PTPRM: variants seen among roughly 807,000 people sequenced by gnomAD.
The protein encoded by PTPRM is protein tyrosine phosphatase receptor type M, also known as receptor-type tyrosine-protein phosphatase mu.
Under a neutral mutation model 186.7 loss-of-function variants are expected in PTPRM, and 47 were observed. That is an observed-to-expected ratio of 0.25 (90% CI 0.20 to 0.32). PTPRM has a LOEUF of 0.32. Ranked by LOEUF, PTPRM falls within the 10% of genes least tolerant of loss-of-function variation. The probability of loss-of-function intolerance (pLI) is 1.00; values close to 1 mark genes in which losing one functional copy is unlikely to be tolerated. For missense variants in PTPRM, 1,494 were observed against 1,865.0 expected (o/e 0.80, Z 3.66); for synonymous variants, 668 against 674.9 (o/e 0.99, Z 0.16).
chr18:7,655,367 A>C (rs760067493), intron 1 of PTPRM, among the ~76,000 whole-genome samples: 2 of 152,116 alleles, frequency 1.3e-5, no homozygotes, highest in Non-Finnish European at 2.9e-5. Context: ...ACCTACACAC[A>C]TGTTAGAATG....
chr18:7,771,204 T>A (rs531903957), intron 1 of PTPRM, among the ~76,000 whole-genome samples: 24 of 152,210 alleles, frequency 1.6e-4, no homozygotes, highest in Admixed American at 5.2e-4. Flanking sequence ...TATTTCTCAC[T>A]GTTTTAAGAT....
chr18:8,313,953 C>T (rs1269971187), intron 20 of PTPRM, among the ~76,000 whole-genome samples: 4 of 151,928 alleles, frequency 2.6e-5, no homozygotes, highest in Non-Finnish European at 4.4e-5. Context: ...GAATTTGAAA[C>T]CAGCGTGGGC....
intron 1 of PTPRM, among the ~76,000 whole-genome samples, chr18:7,574,331 TTTG>T (rs1323924553): frequency 6.6e-6 from 1 of 152,154 alleles, no homozygotes; most frequent in Non-Finnish European, 1.5e-5. Context: ...ACAATTAAAT[TTTG>T]TTGTAATGGT....
chr18:8,319,826 A>C, intron 22 of PTPRM, among the ~76,000 whole-genome samples: 1 of 152,344 alleles, frequency 6.6e-6, no homozygotes, highest in Admixed American at 6.5e-5. Flanking sequence ...ATGTGGAAGC[A>C]GAAAGTTAGT....
rs35112154 is a variant in PTPRM at position 8,152,712 on chromosome 18, C to CTTTTTT, written c.2300+8952_2300+8957dup. 6.5e-3 allele frequency among the ~76,000 whole-genome samples: 371 copies of CTTTTTT among 56,848 alleles called. 1 individual carries two copies. The highest frequency in any genetic ancestry group is 7.3e-3 in the East Asian group (10 of 1,366). The allele number at this position is 56,848 out of a possible 152,430, so 37.3% of individuals were successfully genotyped here. A position where few individuals can be genotyped will look rare whatever the true frequency, so the allele number is the denominator to read the frequency against. Reference sequence around the variant, plus strand: ...TTTCTCTTTTTCTTATGCCTCACCTCTTTTTTTTTTTTTTTTTTTTTTTTG... The same window carrying CTTTTTT: ...TTTCTCTTTTTCTTATGCCTCACCTCTTTTTTTTTTTTTTTTTTTTTTTTTTTTTTG... On this transcript the variant is annotated intron_variant, in intron 14 of 32. Coordinates refer to ENST00000580170, the MANE Select transcript of PTPRM (RefSeq NM_001105244.2).
chr18:7,923,871 CTG>C (rs775274132), intron 4 of PTPRM, among the ~76,000 whole-genome samples: 12 of 152,206 alleles, frequency 7.9e-5, no homozygotes, highest in Non-Finnish European at 1.6e-4. Context: ...TATACCAACT[CTG>C]GGGATCTGAA....
chr18:8,307,822 A>AT (rs1321011646), intron 20 of PTPRM, among the ~76,000 whole-genome samples: 2 of 151,934 alleles, frequency 1.3e-5, no homozygotes, highest in Non-Finnish European at 2.9e-5. Context: ...AAAAATAAAA[A>AT]TAAAAAAAAG....
intron 19 of PTPRM, among the ~76,000 whole-genome samples, chr18:8,289,514 GTATATATATACATATATATACACA>G (rs750132384): frequency 0.1 from 9,175 of 89,758 alleles, 817 homozygotes; most frequent in Middle Eastern, 0.22. Context: ...GTGTGTGTAT[GTATATATATACATATATATACACA>G]TATATATATA....
intron 5 of PTPRM, among the ~76,000 whole-genome samples, chr18:7,928,334 T>C (rs1384306121): frequency 2.0e-5 from 3 of 152,208 alleles, no homozygotes; most frequent in African/African-American, 4.8e-5. Flanking sequence ...AACTGCTAAC[T>C]TAAGAGTTTT....
At chr18:8,130,161 C>T (rs116889450) in intron 13 of PTPRM, among the ~76,000 whole-genome samples, 13 of 152,236 alleles carry the variant, frequency 8.5e-5, no homozygotes, top group Non-Finnish European at 1.8e-4. Flanking sequence ...TTGGATTTGG[C>T]GTTCATTTCT....
intron 20 of PTPRM, among the ~76,000 whole-genome samples, chr18:8,305,363 G>T (rs1314641294): frequency 1.3e-5 from 2 of 152,178 alleles, no homozygotes; most frequent in African/African-American, 4.8e-5. Context: ...TTAAGTCATT[G>T]GCACTAATAA....
At chr18:8,340,356 T>G (rs914068791) in intron 22 of PTPRM, among the ~76,000 whole-genome samples, 1 of 152,172 alleles carries the variant, frequency 6.6e-6, no homozygotes. Context: ...AATTTTAGCA[T>G]TGAAAAGAAT....
intron 1 of PTPRM, among the ~76,000 whole-genome samples, chr18:7,711,531 CTAGT>C (rs2040213233): frequency 6.6e-6 from 1 of 152,198 alleles, no homozygotes. Flanking sequence ...GCCAAGTGGT[CTAGT>C]TCAGTGGATC....
At chr18:7,966,451 A>G (rs893451927) in intron 7 of PTPRM, among the ~76,000 whole-genome samples, 1 of 152,146 alleles carries the variant, frequency 6.6e-6, no homozygotes, top group Non-Finnish European at 1.5e-5. Flanking sequence ...TAGAAGGAGG[A>G]GCCAAGATGG....
intron 13 of PTPRM, among the ~76,000 whole-genome samples, chr18:8,129,515 T>C (rs1264892457): frequency 6.6e-6 from 1 of 152,224 alleles, no homozygotes; most frequent in Non-Finnish European, 1.5e-5. Flanking sequence ...CTAACAGTTT[T>C]CAGTCTAAAG....
chr18:7,976,940 T>C (rs532475597), intron 7 of PTPRM, among the ~76,000 whole-genome samples: 10 of 151,996 alleles, frequency 6.6e-5, no homozygotes, highest in Admixed American at 3.9e-4. Context: ...TTTTTAAAGC[T>C]TGATTTTAAC....
chr18:8,313,848 C>G (rs2095287893), intron 20 of PTPRM, among the ~76,000 whole-genome samples: 1 of 151,968 alleles, frequency 6.6e-6, no homozygotes, highest in African/African-American at 2.4e-5. Context: ...GAAGCACATC[C>G]CTTTTTAAAA....
chr18:7,608,416 G>T (rs1454326853), intron 1 of PTPRM, among the ~76,000 whole-genome samples: 2 of 152,070 alleles, frequency 1.3e-5, no homozygotes, highest in African/African-American at 4.8e-5. Context: ...GAATCCTGTT[G>T]TTCTGTGAGA....
intron 2 of PTPRM, among the ~76,000 whole-genome samples, chr18:7,837,312 T>C (rs1252206627): frequency 6.6e-6 from 1 of 152,234 alleles, no homozygotes; most frequent in Non-Finnish European, 1.5e-5. Flanking sequence ...CATACATTCT[T>C]CAGTATGCTA....
Sources: allele counts gnomAD v4.1 joint callset (sites outside exome capture counted in the v4.1 genomes callset), GRCh38; gene constraint gnomAD v4.1.1; transcripts MANE v1.5; gene names NCBI Gene and HGNC (gene_info 2026-07-23, HGNC 2026-07-21).